The following DPP10 variants were observed in gnomAD, a reference collection of about 807,000 sequenced individuals.
DPP10 encodes the protein inactive dipeptidyl peptidase 10.
A neutral mutation model predicts 120.9 loss-of-function variants in DPP10; 33 were observed. That is an observed-to-expected ratio of 0.27 (90% CI 0.21 to 0.37). DPP10 has a LOEUF of 0.37. Among genes scored for constraint, DPP10 ranks in the 10% least tolerant of loss-of-function variants. The pLI, the probability that DPP10 is intolerant of heterozygous loss-of-function variation, is 1.00. For synonymous variants in DPP10, 337 were observed against 326.1 expected, an observed-to-expected ratio of 1.03 and a Z score of -0.36; for missense variants, 816 against 942.8, an observed-to-expected ratio of 0.87 and a Z score of 1.76.
chr2:115,655,085 C>T (rs1014165214), intron 5 of DPP10, among the ~76,000 whole-genome samples: 1 of 151,668 alleles, frequency 6.6e-6, no homozygotes, highest in Non-Finnish European at 1.5e-5. Context: ...TGCAACTTCA[C>T]CCTTTGATTG....
At chr2:115,287,262 T>G (rs1639639839) in intron 1 of DPP10, among the ~76,000 whole-genome samples, 1 of 152,134 alleles carries the variant, frequency 6.6e-6, no homozygotes, top group Non-Finnish European at 1.5e-5. Flanking sequence ...TATGTGCATT[T>G]TACTCTGTCA....
chr2:115,286,312 G>A (rs1275536627), intron 1 of DPP10, among the ~76,000 whole-genome samples: 1 of 150,108 alleles, frequency 6.7e-6, no homozygotes, highest in Non-Finnish European at 1.5e-5. Flanking sequence ...TAGAATGCTG[G>A]GAAAAACTGA....
At chr2:115,427,824 C>T (rs1468683699) in intron 3 of DPP10, among the ~76,000 whole-genome samples, 2 of 152,210 alleles carry the variant, frequency 1.3e-5, no homozygotes, top group Admixed American at 1.3e-4. Context: ...TACCCCACAG[C>T]CAGGCTGCAC....
rs530268286 is a variant in DPP10 at position 115,797,051 on chromosome 2, G to A, written c.1700+5695G>A. On this transcript the variant is annotated intron_variant, in intron 19 of 25. Coordinates refer to ENST00000410059, the MANE Select transcript of DPP10 (RefSeq NM_020868.6). ...TTGAATCAGAAGAGGCTTCTCTACT[G>A]CCAAATTCTTATGAACTTTTCTTCT... is the stretch of plus-strand genomic sequence containing the variant. 9.2e-5 allele frequency among the ~76,000 whole-genome samples: 14 copies of A among 151,972 alleles called. No homozygotes were observed. The East Asian group carries it at 2.1e-3, about 23-fold the overall frequency.
At chr2:115,272,017 TTA>T (rs1160274226) in intron 1 of DPP10, among the ~76,000 whole-genome samples, 2 of 152,220 alleles carry the variant, frequency 1.3e-5, no homozygotes, top group Non-Finnish European at 2.9e-5. Context: ...CAGCCATTAG[TTA>T]TATTCACATT....
At chr2:115,656,430 A>G (rs985947888) in intron 5 of DPP10, among the ~76,000 whole-genome samples, 3 of 151,570 alleles carry the variant, frequency 2.0e-5, no homozygotes, top group African/African-American at 7.3e-5. Flanking sequence ...TCAGAATATC[A>G]CTAATGTTTT....
intron 1 of DPP10, among the ~76,000 whole-genome samples, chr2:114,549,624 G>T (rs1335334418): frequency 7.1e-6 from 1 of 141,054 alleles, no homozygotes; most frequent in Non-Finnish European, 1.5e-5. Context: ...TTGTGCCACT[G>T]CACTCCAGCC....
chr2:115,267,684 T>A (rs2059516502), intron 1 of DPP10, among the ~76,000 whole-genome samples: 1 of 152,126 alleles, frequency 6.6e-6, no homozygotes, highest in South Asian at 2.1e-4. Context: ...GTTTATGCAG[T>A]TTCTGTAGCC....
rs377511771 is a variant in DPP10 at position 115,016,352 on chromosome 2, A to T, written c.61-292887A>T. On this transcript the variant is annotated intron_variant, in intron 1 of 25. Transcript: ENST00000410059. The stretch of plus-strand genomic sequence containing the variant: ...TTCCTTACACCTCATACATAAATTA[A>T]CTCAAGATGGAATAAAGACTAAACA... 3.9e-4 allele frequency among the ~76,000 whole-genome samples: 60 copies of T among 152,240 alleles called. No homozygotes were observed. The South Asian group carries it at 0.012, about 31-fold the overall frequency.
intron 1 of DPP10, among the ~76,000 whole-genome samples, chr2:115,074,549 C>T (rs931286087): frequency 4.6e-5 from 7 of 152,146 alleles, no homozygotes; most frequent in Non-Finnish European, 1.0e-4. Context: ...TTTCCTGACT[C>T]TATAGAATTT....
intron 1 of DPP10, among the ~76,000 whole-genome samples, chr2:114,531,208 G>A (rs928824509): frequency 1.4e-4 from 22 of 151,968 alleles, no homozygotes; most frequent in African/African-American, 5.3e-4. Context: ...GGGAAGGGAG[G>A]CATAAATAAG....
intron 1 of DPP10, among the ~76,000 whole-genome samples, chr2:114,518,306 G>A (rs567345230): frequency 9.9e-5 from 15 of 152,094 alleles, no homozygotes; most frequent in Admixed American, 5.9e-4. Flanking sequence ...TCAAACTCCC[G>A]GCCTCAGGTA....
At chr2:115,259,264 C>T (rs1344409578) in intron 1 of DPP10, among the ~76,000 whole-genome samples, 1 of 152,038 alleles carries the variant, frequency 6.6e-6, no homozygotes, top group Non-Finnish European at 1.5e-5. Context: ...GGCGGATCAC[C>T]TGAGATTGGG....
chr2:114,592,665 GAAAA>G (rs957247461), intron 1 of DPP10, among the ~76,000 whole-genome samples: 1 of 148,404 alleles, frequency 6.7e-6, no homozygotes, highest in African/African-American at 2.5e-5. Context: ...TCTTCCCCCT[GAAAA>G]AAAAACCCTC....
intron 1 of DPP10, among the ~76,000 whole-genome samples, chr2:114,870,280 C>A (rs1373251649): frequency 6.6e-6 from 1 of 151,966 alleles, no homozygotes; most frequent in Admixed American, 6.6e-5. Flanking sequence ...TAATAATGAC[C>A]CTTTCATAAG....
At chr2:115,096,792 G>A (rs1003105920) in intron 1 of DPP10, among the ~76,000 whole-genome samples, 8 of 152,042 alleles carry the variant, frequency 5.3e-5, no homozygotes, top group Non-Finnish European at 1.0e-4. Context: ...TTTGTTCTCT[G>A]TTCCTCTATG....
At chr2:115,484,367 G>A (rs996511909) in intron 3 of DPP10, among the ~76,000 whole-genome samples, 3 of 151,876 alleles carry the variant, frequency 2.0e-5, no homozygotes, top group Non-Finnish European at 4.4e-5. Context: ...ATCATTTTCT[G>A]TCATCCAGAA....
At chr2:114,625,351 A>G (rs1694430789) in intron 1 of DPP10, among the ~76,000 whole-genome samples, 1 of 151,950 alleles carries the variant, frequency 6.6e-6, no homozygotes, top group South Asian at 2.1e-4. Context: ...AAAGTTAGAT[A>G]TGTCTTTTTA....
chr2:114,891,585 A>C (rs1319846438), intron 1 of DPP10, among the ~76,000 whole-genome samples: 1 of 152,204 alleles, frequency 6.6e-6, no homozygotes, highest in East Asian at 1.9e-4. Flanking sequence ...ATGAACCAAG[A>C]ATAAAACATT....
Sources: allele counts gnomAD v4.1 joint callset (sites outside exome capture counted in the v4.1 genomes callset), GRCh38; gene constraint gnomAD v4.1.1; transcripts MANE v1.5; gene names NCBI Gene and HGNC (gene_info 2026-07-23, HGNC 2026-07-21).